Variants in SYN3 observed in about 807,000 individuals in gnomAD.
SYN3 encodes the protein synapsin III.
In SYN3, 35 loss-of-function variants were observed where a neutral mutation model predicts 65.8. The observed-to-expected ratio is 0.53, with a 90% confidence interval of 0.41 to 0.70. The LOEUF is 0.70. SYN3 is among the 30% of genes least tolerant of loss of function. The pLI is 0.00. For synonymous variants in SYN3, 270 were observed against 292.9 expected (o/e 0.92, Z 0.80); for missense variants, 680 against 749.0 (o/e 0.91, Z 1.08).
chr22:32,685,939 G>A (rs1285856701), intron 6 of SYN3, among the ~76,000 whole-genome samples: 2 of 152,106 alleles, frequency 1.3e-5, no homozygotes, highest in Non-Finnish European at 2.9e-5. Flanking sequence ...ATGGGAAAAT[G>A]TGCCTGTTAT....
chr22:32,876,234 TC>T (rs978289412), intron 4 of SYN3, among the ~76,000 whole-genome samples: 18 of 152,132 alleles, frequency 1.2e-4, no homozygotes, highest in Middle Eastern at 3.4e-3. Flanking sequence ...CTCTCTGGGG[TC>T]CCTTTTCAAG....
At chr22:33,020,433 G>A (rs1326931670) in intron 1 of SYN3, among the ~76,000 whole-genome samples, 1 of 152,148 alleles carries the variant, frequency 6.6e-6, no homozygotes, top group Non-Finnish European at 1.5e-5. Context: ...AAGAGAGGGT[G>A]TCTGAAGAGG....
At chr22:32,555,721 T>C (rs1034728677) in intron 7 of SYN3, among the ~76,000 whole-genome samples, 6 of 152,114 alleles carry the variant, frequency 3.9e-5, no homozygotes, top group African/African-American at 1.4e-4. Flanking sequence ...CCACTCCTAG[T>C]TGGAGATAAT....
At chr22:32,719,881 T>C (rs554664685) in intron 6 of SYN3, among the ~76,000 whole-genome samples, 14 of 152,058 alleles carry the variant, frequency 9.2e-5, no homozygotes, top group Non-Finnish European at 1.8e-4. Context: ...AAAAGAAATA[T>C]TTATTGAATG....
chr22:33,031,819 G>C (rs1244729773), intron 1 of SYN3, among the ~76,000 whole-genome samples: 1 of 152,044 alleles, frequency 6.6e-6, no homozygotes, highest in Non-Finnish European at 1.5e-5. Context: ...CTGAAAAACT[G>C]AATTCCTGGC....
At position 32,518,102 on chromosome 22, in the gene SYN3, A is replaced by G. The variant is rs12170405; in HGVS notation, c.1551T>C (p.Arg517=). ...ASQPRPPVQG[R]STSQQGEESK... Reference sequence around the variant, plus strand: ...ACTCTTCACCCTGCTGGGAGGTACTACGGCCCTGCACAGGGGGCCGGGGCT... The same window carrying G: ...ACTCTTCACCCTGCTGGGAGGTACTGCGGCCCTGCACAGGGGGCCGGGGCT... Residue 517 remains arginine, a synonymous_variant, in exon 13 of 14, where the codon CGT becomes CGC. Coordinates refer to ENST00000358763, the MANE Select transcript of SYN3 (RefSeq NM_003490.4). 10,569 of 1,573,242 alleles carry G rather than the reference A, an allele frequency of 6.7e-3. 566 individuals are homozygous for G. The African/African-American group carries it at 0.12, about 18-fold the overall frequency.
At chr22:32,849,349 G>T (rs2048154276) in intron 6 of SYN3, 5 of 926,102 alleles carry the variant, frequency 5.4e-6, no homozygotes, top group African/African-American at 1.6e-5. Context: ...AGGTAAGAGT[G>T]CAATTCCAGG....
intron 6 of SYN3, among the ~76,000 whole-genome samples, chr22:32,721,715 A>G (rs2061121322): frequency 6.6e-6 from 1 of 152,194 alleles, no homozygotes; most frequent in African/African-American, 2.4e-5. Context: ...CTCAGCCTTC[A>G]TTATCATTCT....
chr22:32,938,729 C>T (rs562172688), intron 3 of SYN3, among the ~76,000 whole-genome samples: 25 of 152,090 alleles, frequency 1.6e-4, no homozygotes, highest in Admixed American at 9.8e-4. Flanking sequence ...GAGTTCAAGA[C>T]GAGCCTGGCC....
intron 2 of SYN3, among the ~76,000 whole-genome samples, chr22:33,002,974 C>T (rs1046894627): frequency 1.3e-5 from 2 of 152,096 alleles, no homozygotes; most frequent in African/African-American, 4.8e-5. Flanking sequence ...CTTGTGGTAG[C>T]GAGTTCTCAC....
chr22:32,724,382 G>T, intron 6 of SYN3, among the ~76,000 whole-genome samples: 1 of 152,108 alleles, frequency 6.6e-6, no homozygotes, highest in Non-Finnish European at 1.5e-5. Flanking sequence ...GGGTAATTTT[G>T]TAAGAGCATA....
chr22:33,035,726 G>T (rs1020539974), intron 1 of SYN3, among the ~76,000 whole-genome samples: 2 of 152,030 alleles, frequency 1.3e-5, no homozygotes, highest in African/African-American at 4.8e-5. Flanking sequence ...CTATAGGCAC[G>T]TACCACAAGG....
At position 32,800,343 on chromosome 22, in the gene SYN3, G is replaced by A. The variant is rs149754043; in HGVS notation, c.711+64572C>T. Among the ~76,000 whole-genome samples the A allele has an allele frequency of 8.5e-5, 13 of 152,278 alleles. No individual in the cohort carries two copies. The East Asian group carries it at 2.1e-3, about 25-fold the overall frequency. On this transcript the variant is annotated intron_variant, in intron 6 of 13. Coordinates refer to ENST00000358763, the MANE Select transcript of SYN3 (RefSeq NM_003490.4). ...GCAGTTAGATGGAACAGCTGCTGAC[G>A]TTCAGGGAAATGCATGTCTCTCTTC...
At chr22:32,900,190 G>A (rs528387395) in intron 4 of SYN3, among the ~76,000 whole-genome samples, 62 of 152,298 alleles carry the variant, frequency 4.1e-4, no homozygotes, top group African/African-American at 1.4e-3. Context: ...GAACTGTCCT[G>A]GTGAAACCCA....
intron 6 of SYN3, among the ~76,000 whole-genome samples, chr22:32,851,313 G>C (rs892668126): frequency 6.6e-6 from 1 of 152,232 alleles, no homozygotes; most frequent in Non-Finnish European, 1.5e-5. Flanking sequence ...GGAGGCAGCA[G>C]TTCCTAAGCC....
chr22:32,720,355 T>C (rs924660439), intron 6 of SYN3, among the ~76,000 whole-genome samples: 1 of 152,222 alleles, frequency 6.6e-6, no homozygotes, highest in Admixed American at 6.5e-5. Flanking sequence ...GTGTCTCTTC[T>C]CATTTGACCC....
intron 4 of SYN3, among the ~76,000 whole-genome samples, chr22:32,927,076 C>G (rs535290355): frequency 6.6e-6 from 1 of 152,156 alleles, no homozygotes; most frequent in South Asian, 2.1e-4. Context: ...AGGCTCAAGG[C>G]AATGGCTATT....
intron 6 of SYN3, among the ~76,000 whole-genome samples, chr22:32,848,975 A>G (rs778654960): frequency 3.9e-5 from 6 of 152,176 alleles, no homozygotes; most frequent in African/African-American, 7.2e-5. Context: ...ACAACCCTGT[A>G]GACATGTCAA....
chr22:32,694,075 CTATT>C lies in SYN3; in HGVS notation c.712-97343_712-97340del, dbSNP rs554781966. ...TTTTTTCCTTTGTTTTGTTTGTGAG[CTATT>C]TATTTATTTATTTATTTATTTTTAA... On this transcript the variant is annotated intron_variant, in intron 6 of 13. Transcript: ENST00000358763. Among the ~76,000 whole-genome samples the C allele has an allele frequency of 2.8e-4, 42 of 151,354 alleles. 1 individual carries two copies. The South Asian group carries it at 6.9e-3, about 25-fold the overall frequency.
Sources: allele counts gnomAD v4.1 joint callset (sites outside exome capture counted in the v4.1 genomes callset), GRCh38; gene constraint gnomAD v4.1.1; transcripts MANE v1.5; gene names NCBI Gene and HGNC (gene_info 2026-07-23, HGNC 2026-07-21).